Variants in PHLDB3 observed in about 807,000 individuals in gnomAD.
The protein encoded by PHLDB3 is pleckstrin homology-like domain family B member 3.
A neutral mutation model predicts 85.7 loss-of-function variants in PHLDB3; 86 were observed. The observed-to-expected ratio is 1.00, with a 90% CI of 0.84 to 1.20. The LOEUF (loss-of-function observed/expected upper bound fraction) is 1.20. Among genes scored for constraint, PHLDB3 ranks in the 50% most tolerant of loss-of-function variants. The pLI is 0.00. For missense variants in PHLDB3, 995 were observed against 873.0 expected (o/e 1.14, Z -1.76); for synonymous variants, 376 against 349.8 (o/e 1.07, Z -0.83).
At chr19:43,495,886 C>CA (rs985186621) in intron 6 of PHLDB3, 1 of 418,554 alleles carries the variant, frequency 2.4e-6, no homozygotes, top group African/African-American at 2.0e-5. Flanking sequence ...GAGATGTAGA[C>CA]AAAGATTCAG....
intron 8 of PHLDB3, among the ~76,000 whole-genome samples, 168 bp from the exon 9 acceptor site, chr19:43,494,983 G>A (rs974376504): frequency 2.7e-5 from 4 of 150,320 alleles, no homozygotes; most frequent in Admixed American, 6.7e-5. Context: ...GTAGGGCTGT[G>A]GGCAGAGACT....
In PHLDB3 at chr19:43,486,426, G is replaced by C. The variant is rs1449867544; in HGVS notation, c.1429-104C>G. 8 of 1,302,760 alleles carry C rather than the reference G, an allele frequency of 6.1e-6. No homozygotes were observed. The African/African-American group carries it at 1.2e-4, about 19-fold the overall frequency. The allele number at this position is 1,302,760 out of a possible 1,614,324, so 80.7% of individuals were successfully genotyped here. On this transcript the variant is annotated intron_variant, in intron 12 of 15. Coordinates refer to ENST00000292140, the MANE Select transcript of PHLDB3 (RefSeq NM_198850.4). ...TCTGTTCTGAGGGTACAGGGACTGG[G>C]GGCCTGGACTCCTGGGTATGAGGGA...
rs768837505 is a variant in PHLDB3, at chr19:43,486,871, C to G, written c.1250-1G>C. On this transcript the variant is annotated splice_acceptor_variant, in intron 10 of 15. Transcript: ENST00000292140. LOFTEE classifies it high-confidence loss of function. Reference sequence around the variant, plus strand: ...GGGAGAGCTGAGGCCTCCAGGGATTCTAGGGTAGAGGGGACCAGGTTACAG... The same window carrying G: ...GGGAGAGCTGAGGCCTCCAGGGATTGTAGGGTAGAGGGGACCAGGTTACAG... 3.2e-6 allele frequency: 5 copies of G among 1,552,404 alleles called. No individual in the cohort carries two copies. The highest frequency in any genetic ancestry group is 3.5e-6 in the Non-Finnish European group (4 of 1,148,068).
At position 43,494,708 on chromosome 19, in the gene PHLDB3, G is replaced by A. The variant is rs1264967017; in HGVS notation, c.1143C>T (p.Ser381=). 3.7e-6 allele frequency: 6 copies of A among 1,610,618 alleles called. 1 individual carries two copies. The South Asian group carries it at 5.5e-5, about 15-fold the overall frequency. The part of the protein sequence containing the change: ...TSSCLFSVHS[S]LQGSIGLQRT... ...GAGGCCGTGGGGGAGGCACCTGCAG[G>A]GAGCTGTGGACAGAAAAGAGGCAGG... Residue 381 remains serine, a synonymous_variant, in exon 9 of 16, where the codon TCC becomes TCT. Coordinates refer to ENST00000292140, the MANE Select transcript of PHLDB3 (RefSeq NM_198850.4).
chr19:43,491,962 T>G (rs887715185), intron 9 of PHLDB3, among the ~76,000 whole-genome samples: 3 of 146,004 alleles, frequency 2.1e-5, no homozygotes, highest in South Asian at 2.2e-4. Context: ...TTTTTTTGTT[T>G]TTTTTTTTTT....
At chr19:43,484,011 G>A (rs1026362999) in intron 13 of PHLDB3, among the ~76,000 whole-genome samples, 15 of 151,664 alleles carry the variant, frequency 9.9e-5, no homozygotes, top group African/African-American at 3.6e-4. Flanking sequence ...CAGCACTTTG[G>A]GAGGCCAAAG....
At chr19:43,502,447 T>C in intron 2 of PHLDB3, among the ~76,000 whole-genome samples, 164 bp from the exon 3 acceptor site, 1 of 133,876 alleles carries the variant, frequency 7.5e-6, no homozygotes, top group Middle Eastern at 3.9e-3. Flanking sequence ...CTTTTCTTTT[T>C]CTTTCTTATC....
At position 43,494,804 on chromosome 19, in the gene PHLDB3, G is replaced by A. The variant is rs746512756; in HGVS notation, c.1047C>T (p.Thr349=). Residue 349 remains threonine (T), a synonymous_variant, in exon 9 of 16, where the codon ACC becomes ACT. Coordinates refer to ENST00000292140, the MANE Select transcript of PHLDB3 (RefSeq NM_198850.4). ...CCAGCAGCTGGCGGTCTGTCTTCTG[G>A]GTGAACAGCAGCTGCAAGAGATGGG... ...PNPALTKLLF[T]QKTDRQLLVL... is the part of the protein sequence containing the mutation. 1.2e-6 allele frequency: 2 copies of A among 1,611,836 alleles called. No homozygotes were observed. Among genetic ancestry groups the A allele is most frequent in the Non-Finnish European group, 1.7e-6 (2 of 1,179,224 alleles).
intron 13 of PHLDB3, 31 bp from the exon 14 acceptor site, chr19:43,479,624 T>A: frequency 6.9e-7 from 1 of 1,458,298 alleles, no homozygotes; most frequent in Non-Finnish European, 9.4e-7. Context: ...GCAGCTGATG[T>A]AAGGGGCGGG....
Position 43,495,512 on chromosome 19 carries a change from G to A in PHLDB3, c.934C>T (p.Leu312Phe), listed in dbSNP as rs1386297893. Residue 312 changes from leucine to phenylalanine, a missense_variant, in exon 7 of 16, where the codon CTT (leucine) becomes TTT (phenylalanine). Coordinates refer to ENST00000292140, the MANE Select transcript of PHLDB3 (RefSeq NM_198850.4). ...TAGCTCACCTGTGACAGGGCCTGAA[G>A]GGCCTCCTCCTTCTTCCGGCTCAAC... Reference protein sequence around the residue: ...RGLSRKKEEALQALSQERSRL... With the variant: ...RGLSRKKEEAFQALSQERSRL... 2 of 1,606,184 alleles carry A rather than the reference G, an allele frequency of 1.2e-6. No individual in the cohort carries two copies. Among genetic ancestry groups the A allele is most frequent in the Non-Finnish European group, 1.7e-6 (2 of 1,176,400 alleles).
At chr19:43,504,217 C>CT (rs549690000) in intron 1 of PHLDB3, 85 bp from the exon 2 acceptor site, 40 of 1,037,034 alleles carry the variant, frequency 3.9e-5, no homozygotes, top group Admixed American at 8.1e-5. Context: ...GGCGCGGAGA[C>CT]CCCCCCCCAA....
chr19:43,487,559 A>G (rs1971201449), intron 9 of PHLDB3, among the ~76,000 whole-genome samples: 1 of 125,044 alleles, frequency 8.0e-6, no homozygotes, highest in Non-Finnish European at 1.7e-5. Context: ...TGGGCGACAG[A>G]GCAAGACTCT....
At position 43,478,701 on chromosome 19, in the gene PHLDB3, G is replaced by A. The variant is rs955673341; in HGVS notation, c.1703-569C>T. 5.3e-5 allele frequency among the ~76,000 whole-genome samples: 8 copies of A among 152,150 alleles called. No individual in the cohort carries two copies. In the South Asian group the frequency reaches 8.3e-4, roughly 16 times the overall value. The stretch of plus-strand genomic sequence containing the variant: ...GAGGCTGAGGCAGGCAGATCACAAG[G>A]TCAGGAGATCGAGACCATCCTGGCT... On this transcript the variant is annotated intron_variant, in intron 14 of 15. Coordinates refer to ENST00000292140, the MANE Select transcript of PHLDB3 (RefSeq NM_198850.4).
chr19:43,492,835 C>T (rs1280019396), intron 9 of PHLDB3, among the ~76,000 whole-genome samples: 1 of 152,004 alleles, frequency 6.6e-6, no homozygotes, highest in African/African-American at 2.4e-5. Context: ...GTAACCATGC[C>T]TTGCACACTA....
rs767942619 is a variant in PHLDB3, at chr19:43,504,011, C to G, written c.108G>C (p.Glu36Asp). The change falls in exon 2 of 16, where the codon GAG becomes GAC. Residue 36 changes from glutamate to aspartate, a missense_variant. Transcript: ENST00000292140. ...QGHPEESREQ[E>D]ASEVLAEPSS... ...AAGGTTCCGCCAGGACTTCGGATGC[C>G]TCCTGTTCCCGGGACTCCTCGGGAT... 18 of 1,613,818 alleles carry G rather than the reference C, an allele frequency of 1.1e-5. No homozygotes were observed. Among genetic ancestry groups the G allele is most frequent in the Non-Finnish European group, 1.4e-5 (17 of 1,179,832 alleles).
Position 43,504,223 on chromosome 19 carries a change from C to CA in PHLDB3, c.-14-92_-14-91insT. On this transcript the variant is annotated intron_variant, in intron 1 of 15. Coordinates refer to ENST00000292140, the MANE Select transcript of PHLDB3 (RefSeq NM_198850.4). ...CTGCTCCGGGGCGCGGAGACCCCCC[C>CA]CCAAGGAGGCGGGGCCTAAGAGTTC... is the stretch of plus-strand genomic sequence containing the variant. 9 of 1,181,482 alleles carry CA rather than the reference C, an allele frequency of 7.6e-6. No individual in the cohort carries two copies. In the South Asian group the frequency reaches 1.1e-4, roughly 14 times the overall value. 73.2% of individuals were successfully genotyped at this position (1,181,482 alleles called of 1,614,324 possible).
At chr19:43,491,956 T>C (rs992000963) in intron 9 of PHLDB3, among the ~76,000 whole-genome samples, 2 of 142,134 alleles carry the variant, frequency 1.4e-5, no homozygotes, top group Non-Finnish European at 3.1e-5. Flanking sequence ...TTTTTTTTTT[T>C]TTGTTTTTTT....
At chr19:43,504,233 C>G in intron 1 of PHLDB3, 101 bp from the exon 2 acceptor site, 1 of 1,099,660 alleles carries the variant, frequency 9.1e-7, no homozygotes, top group Non-Finnish European at 1.3e-6. Flanking sequence ...CCCAAGGAGG[C>G]GGGGCCTAAG....
rs777014232 is a variant in PHLDB3, at chr19:43,479,398, G to C, written c.1681C>G (p.Arg561Gly). The stretch of plus-strand genomic sequence containing the variant: ...TTACCCGCATAGTAGGCCAAGCGGC[G>C]GGCTTGGCGGTCAAAGCAGAACCAT... ...KRWFCFDRQA[R>G]RLAYYADKEE... The change falls in exon 14 of 16, where the codon CGC (arginine) becomes GGC (glycine). Residue 561 changes from arginine (R) to glycine (G), a missense_variant. By Grantham distance (125) the Arg-to-Gly change is moderately radical (BLOSUM62 -2). Coordinates refer to ENST00000292140, the MANE Select transcript of PHLDB3 (RefSeq NM_198850.4). The C allele has an allele frequency of 1.9e-6, 3 of 1,562,784 alleles. No individual in the cohort carries two copies. The highest frequency in any genetic ancestry group is 1.7e-6 in the Non-Finnish European group (2 of 1,154,168).
Sources: allele counts gnomAD v4.1 joint callset (sites outside exome capture counted in the v4.1 genomes callset), GRCh38; gene constraint gnomAD v4.1.1; transcripts MANE v1.5; gene names NCBI Gene and HGNC (gene_info 2026-07-23, HGNC 2026-07-21).